Variants in PPFIA1 observed in about 807,000 individuals in gnomAD.
The protein encoded by PPFIA1 is liprin-alpha-1.
A neutral mutation model predicts 149.9 loss-of-function variants in PPFIA1; 25 were observed. The observed-to-expected ratio is 0.17, with a 90% CI of 0.12 to 0.23. The LOEUF is 0.23. PPFIA1 is among the 10% of genes least tolerant of loss of function. PPFIA1 has a pLI of 1.00. For synonymous variants in PPFIA1, 549 were observed against 552.8 expected (o/e 0.99, Z 0.10); for missense variants, 1,362 against 1,506.5 (o/e 0.90, Z 1.59).
Position 70,356,210 on chromosome 11 carries a change from C to G in PPFIA1, c.2538C>G (p.Ser846Arg). ...CATCTCAGGATGCCTTGGGACTTAG[C>G]AAATTGGGGGGACAGGCTGAAAAAA... ...DNSSQDALGL[S>R]KLGGQAEKNR... The change falls in exon 19 of 28, where the codon AGC (serine) becomes AGG (arginine). Residue 846 changes from serine (S) to arginine (R), a missense_variant. By Grantham distance (110) the Ser-to-Arg change is moderately radical. This residue lies in a region of PPFIA1 where 91 missense variants were observed against 91.2 expected (regional missense o/e 1.00). Transcript: ENST00000253925. The G allele has an allele frequency of 1.2e-6, 2 of 1,613,684 alleles. No individual in the cohort carries two copies. The highest frequency in any genetic ancestry group is 8.5e-7 in the Non-Finnish European group (1 of 1,179,956).
chr11:70,297,628 A>G (rs2052167872), intron 2 of PPFIA1, among the ~76,000 whole-genome samples: 1 of 152,210 alleles, frequency 6.6e-6, no homozygotes. Flanking sequence ...CTTGTTACAC[A>G]CTACCTGTGT....
chr11:70,283,938 G>A (rs1401638990), intron 2 of PPFIA1: 1 of 503,920 alleles, frequency 2.0e-6, no homozygotes, highest in Non-Finnish European at 4.1e-6. Flanking sequence ...CCAGGTTTAG[G>A]TATAAAGAAT....
chr11:70,320,353 G>A (rs1269968367), intron 2 of PPFIA1, among the ~76,000 whole-genome samples: 1 of 152,146 alleles, frequency 6.6e-6, no homozygotes, highest in African/African-American at 2.4e-5. Context: ...CAAGCAGGCA[G>A]TGTCAGTAGG....
intron 2 of PPFIA1, among the ~76,000 whole-genome samples, chr11:70,296,451 T>A (rs1037127146): frequency 6.6e-6 from 1 of 152,164 alleles, no homozygotes; most frequent in Non-Finnish European, 1.5e-5. Flanking sequence ...AGGCCGAGGC[T>A]GGCGGACCAC....
intron 26 of PPFIA1, among the ~76,000 whole-genome samples, chr11:70,380,509 G>A (rs750896290): frequency 3.3e-5 from 5 of 151,910 alleles, no homozygotes; most frequent in South Asian, 2.1e-4. Context: ...CCCAGGAGGC[G>A]GAGCTTGTGG....
At chr11:70,284,984 G>T (rs1163462970) in intron 2 of PPFIA1, among the ~76,000 whole-genome samples, 1 of 151,596 alleles carries the variant, frequency 6.6e-6, no homozygotes, top group Non-Finnish European at 1.5e-5. Context: ...TAGCTGCGTT[G>T]TTATTTATTT....
Position 70,378,163 on chromosome 11 carries a change from C to G in PPFIA1, c.3518C>G (p.Pro1173Arg), listed in dbSNP as rs1331897165. Residue 1173 changes from proline (P) to arginine (R), a missense_variant, in exon 26 of 28, where the codon CCC (proline) becomes CGC (arginine). Transcript: ENST00000253925. ...NFRVTSSMSSPSMQPKKMQMD... is the reference protein window; with the variant it reads ...NFRVTSSMSSRSMQPKKMQMD... ...CGGGTGACTTCTTCTATGTCTTCCC[C>G]CTCTATGCAGCCAAAGAAGATGCAG... 1 of 1,614,134 alleles carries G rather than the reference C, an allele frequency of 6.2e-7. No homozygotes were observed. The highest frequency in any genetic ancestry group is 8.5e-7 in the Non-Finnish European group (1 of 1,180,006).
chr11:70,339,192 C>T lies in PPFIA1; in HGVS notation c.1593C>T (p.Val531=). 1 of 1,614,062 alleles carries T rather than the reference C, an allele frequency of 6.2e-7. No individual in the cohort carries two copies. The highest frequency in any genetic ancestry group is 2.2e-5 in the East Asian group (1 of 44,888). Residue 531 remains valine, a synonymous_variant, in exon 14 of 28, where the codon GTC becomes GTT. Transcript: ENST00000253925. ...LHHGRPHLGS[V]PDFRFPMADG... ...TCAGCCGACCCCACTTGGGCAGTGT[C>T]CCAGATTTCAGGTTCCCCATGGCAG...
chr11:70,364,834 G>GA (rs1370999617), intron 21 of PPFIA1: 2 of 152,238 alleles, frequency 1.3e-5, no homozygotes, highest in Non-Finnish European at 2.9e-5. Context: ...AAAATGCAAG[G>GA]AAAAAATCTC....
intron 2 of PPFIA1, among the ~76,000 whole-genome samples, chr11:70,313,397 G>A (rs1488583842): frequency 6.6e-6 from 1 of 152,202 alleles, no homozygotes. Context: ...TTTTAAGCAG[G>A]AAAGTCAGAG....
In PPFIA1 at chr11:70,333,552, G is replaced by A. The variant is rs772564997; in HGVS notation, c.1295G>A (p.Arg432Gln). The change falls in exon 10 of 28, where the codon CGG (arginine) becomes CAG (glutamine). Residue 432 changes from arginine (R) to glutamine (Q), a missense_variant and splice_region_variant. This residue lies in a region of PPFIA1 where 733 missense variants were observed against 744.1 expected (regional missense o/e 0.99). Transcript: ENST00000253925. ...QLEEKNQELQRARQREKMNEE... is the reference protein window; with the variant it reads ...QLEEKNQELQQARQREKMNEE... ...GAGGAGAAGAATCAAGAACTGCAGCGGGTGAGCATGCAGCCCTGAGGGTGG... is the reference window on the plus strand; with the variant it reads ...GAGGAGAAGAATCAAGAACTGCAGCAGGTGAGCATGCAGCCCTGAGGGTGG... 1.5e-5 allele frequency: 24 copies of A among 1,609,972 alleles called. No individual in the cohort carries two copies. The highest frequency in any genetic ancestry group is 3.4e-5 in the Admixed American group (2 of 59,498).
rs1248555226 is a variant in PPFIA1 at position 70,294,075 on chromosome 11, C to T, written c.264+21639C>T. Among the ~76,000 whole-genome samples the T allele has an allele frequency of 2.6e-5, 4 of 151,636 alleles. No homozygotes were observed. The East Asian group carries it at 7.7e-4, about 29-fold the overall frequency. ...TCTCAGCCTCTCGAGTAGCTGGGAC[C>T]ATTGGTGTGCAGTGCACCACCATGC... On this transcript the variant is annotated intron_variant, in intron 2 of 27. Transcript: ENST00000253925.
Position 70,334,053 on chromosome 11 carries a change from C to T in PPFIA1, c.1296+500C>T, listed in dbSNP as rs746812374. Among the ~76,000 whole-genome samples, 7 of 152,224 alleles carry T rather than the reference C, an allele frequency of 4.6e-5. No individual in the cohort carries two copies. In the East Asian group the frequency reaches 9.6e-4, roughly 21 times the overall value. On this transcript the variant is annotated intron_variant, in intron 10 of 27. Transcript: ENST00000253925. ...GAATGTTTCTAAGCAAGAGCAACACCGTAATTGAGCTACAATAAAAAGCAC... is the reference window on the plus strand; with the variant it reads ...GAATGTTTCTAAGCAAGAGCAACACTGTAATTGAGCTACAATAAAAAGCAC...
chr11:70,310,385 CTTTT>C (rs754099737), intron 2 of PPFIA1, among the ~76,000 whole-genome samples: 8 of 132,164 alleles, frequency 6.1e-5, no homozygotes, highest in Non-Finnish European at 6.5e-5. Flanking sequence ...CATCCATGTA[CTTTT>C]TTTTTTTTTT....
At chr11:70,312,819 G>T (rs972141265) in intron 2 of PPFIA1, among the ~76,000 whole-genome samples, 9 of 152,332 alleles carry the variant, frequency 5.9e-5, no homozygotes, top group Non-Finnish European at 8.8e-5. Context: ...TTTGTCACAG[G>T]TCTGGGCTTC....
At chr11:70,347,540 A>G (rs1004454904) in intron 15 of PPFIA1, among the ~76,000 whole-genome samples, 2 of 152,110 alleles carry the variant, frequency 1.3e-5, no homozygotes, top group Non-Finnish European at 2.9e-5. Context: ...TGTCTCTACA[A>G]AAAAAATTTT....
rs1429458828 is a variant in PPFIA1 at position 70,354,513 on chromosome 11, A to G, written c.2315+61A>G. The G allele has an allele frequency of 3.3e-6, 5 of 1,495,904 alleles. No individual in the cohort carries two copies. In the African/African-American group the frequency reaches 7.1e-5, roughly 21 times the overall value. 92.7% of individuals were successfully genotyped at this position (1,495,904 alleles called of 1,614,324 possible). On this transcript the variant is annotated intron_variant, in intron 17 of 27. Coordinates refer to ENST00000253925, the MANE Select transcript of PPFIA1 (RefSeq NM_003626.5). ...CTGTCTTTTCGTTTCTGGTGTTGAGAAATCGACAAATCTTTCCTTGAGTAA... is the reference window on the plus strand; with the variant it reads ...CTGTCTTTTCGTTTCTGGTGTTGAGGAATCGACAAATCTTTCCTTGAGTAA...
chr11:70,365,393 AAC>A (rs2056867956), intron 21 of PPFIA1: 1 of 456,502 alleles, frequency 2.2e-6, no homozygotes, highest in Non-Finnish European at 4.4e-6. Flanking sequence ...ATGTCTGGTT[AAC>A]ACACGAAGAG....
At chr11:70,325,613 G>T (rs766928619) in intron 5 of PPFIA1, 39 bp downstream of exon 5, 3 of 1,427,398 alleles carry the variant, frequency 2.1e-6, no homozygotes, top group South Asian at 1.2e-5. Context: ...ATTGGGGGGG[G>T]GTTATTTTTA....
Sources: allele counts gnomAD v4.1 joint callset (sites outside exome capture counted in the v4.1 genomes callset), GRCh38; gene constraint gnomAD v4.1.1; regional missense constraint gnomAD v4.1.1; transcripts MANE v1.5; gene names NCBI Gene and HGNC (gene_info 2026-07-23, HGNC 2026-07-21).